PCDHGA11: variants seen among roughly 807,000 people sequenced by gnomAD.
The protein encoded by PCDHGA11 is protocadherin gamma-A11.
Under a neutral mutation model 60.4 loss-of-function variants are expected in PCDHGA11, and 39 were observed. The observed-to-expected ratio is 0.65, with a 90% CI of 0.50 to 0.84. PCDHGA11 has a LOEUF of 0.84. PCDHGA11 is among the 40% of genes least tolerant of loss of function. The probability of loss-of-function intolerance (pLI) is 0.00; values close to 1 mark genes in which losing one functional copy is unlikely to be tolerated. For missense variants in PCDHGA11, 1,165 were observed against 1,197.7 expected (o/e 0.97, Z 0.40); for synonymous variants, 533 against 510.3 (o/e 1.04, Z -0.60).
chr5:141,498,104 C>T (rs530844708), intron 2 of PCDHGA11, among the ~76,000 whole-genome samples: 2 of 152,106 alleles, frequency 1.3e-5, no homozygotes, highest in African/African-American at 4.8e-5. Context: ...GTGGTGTGGG[C>T]GTATAATAGG....
intron 1 of PCDHGA11, chr5:141,430,951 C>T (rs200771871): frequency 3.2e-5 from 51 of 1,610,496 alleles, no homozygotes; most frequent in African/African-American, 1.5e-4. Context: ...AGCGCGGAGT[C>T]CGCATCATCC....
chr5:141,489,636 C>A lies in PCDHGA11; in HGVS notation c.2434-5171C>A, dbSNP rs753380268. 3.8e-5 allele frequency: 62 copies of A among 1,614,074 alleles called. No individual in the cohort carries two copies. The highest frequency in any genetic ancestry group is 5.1e-5 in the Non-Finnish European group (60 of 1,180,038). ...TGGATCTCAATGACAACTCTCCTAG[C>A]TTTGCCACCCCTGAGCGAGAGATGC... is the stretch of plus-strand genomic sequence containing the variant. On this transcript the variant is annotated intron_variant, in intron 1 of 3. Coordinates refer to ENST00000398587, the MANE Select transcript of PCDHGA11 (RefSeq NM_018914.3). The surrounding 1 kb of genome is among the most constrained non-coding windows in gnomAD (Gnocchi z 4.5).
intron 1 of PCDHGA11, among the ~76,000 whole-genome samples, chr5:141,430,014 G>A (rs925858697): frequency 6.6e-6 from 1 of 152,130 alleles, no homozygotes; most frequent in South Asian, 2.1e-4. Context: ...TTTCACTTGG[G>A]TTCTTGTTAA....
Position 141,491,733 on chromosome 5 carries a change from TG to T in PCDHGA11, c.2434-3069del. 6.2e-7 allele frequency: 1 copy of T among 1,602,698 alleles called. No individual in the cohort carries two copies. Among genetic ancestry groups the T allele is most frequent in the Non-Finnish European group, 8.5e-7 (1 of 1,175,258 alleles). On this transcript the variant is annotated intron_variant, in intron 1 of 3. Coordinates refer to ENST00000398587, the MANE Select transcript of PCDHGA11 (RefSeq NM_018914.3). This position sits in a 1 kb window ranked among gnomAD's most constrained non-coding sequence, Gnocchi z 6.9. ...GCTCGGCGCCGCCCCGGGCGACCCC[TG>T]GGGGCGGCACTGGAGAAGCCGCCCG...
intron 1 of PCDHGA11, chr5:141,427,254 G>A (rs1013561568): frequency 1.8e-5 from 8 of 456,644 alleles, no homozygotes; most frequent in Non-Finnish European, 2.6e-5. Flanking sequence ...GGATGGTGGA[G>A]GCATGACCAG....
intron 1 of PCDHGA11, among the ~76,000 whole-genome samples, chr5:141,480,240 C>CAAA (rs11374694): frequency 1.8e-5 from 2 of 114,046 alleles, no homozygotes; most frequent in Non-Finnish European, 3.8e-5. Context: ...CCTGTCTCTA[C>CAAA]AAAAAAAAAA....
chr5:141,478,489 C>T (rs779457709), intron 1 of PCDHGA11: 99 of 1,613,162 alleles, frequency 6.1e-5, no homozygotes, highest in Non-Finnish European at 8.1e-5. Context: ...CGCTGCGGAG[C>T]TGTGATCCGG....
At chr5:141,447,535 G>C (rs1366016262) in intron 1 of PCDHGA11, among the ~76,000 whole-genome samples, 1 of 152,162 alleles carries the variant, frequency 6.6e-6, no homozygotes, top group African/African-American at 2.4e-5. Flanking sequence ...AAATTGTTGG[G>C]TTTTAATGTT....
rs1190624035 is a variant in PCDHGA11, at chr5:141,432,332, T to G, written c.2433+8672T>G. ...GCTGAGCTCCTTCGACTACGAGCAG[T>G]TCCGAGACTTGCAAGTGAAAGTGAT... On this transcript the variant is annotated intron_variant, in intron 1 of 3. Coordinates refer to ENST00000398587, the MANE Select transcript of PCDHGA11 (RefSeq NM_018914.3). The surrounding 1 kb of genome is among the most constrained non-coding windows in gnomAD (Gnocchi z 6.0). The G allele has an allele frequency of 2.5e-6, 4 of 1,614,116 alleles. No homozygotes were observed. In the African/African-American group the frequency reaches 5.3e-5, roughly 22 times the overall value.
Position 141,491,726 on chromosome 5 carries a change from C to A in PCDHGA11, c.2434-3081C>A, listed in dbSNP as rs1018940432. ...GTGAGGGGCTCGGCGCCGCCCCGGG[C>A]GACCCCTGGGGGCGGCACTGGAGAA... On this transcript the variant is annotated intron_variant, in intron 1 of 3. Coordinates refer to ENST00000398587, the MANE Select transcript of PCDHGA11 (RefSeq NM_018914.3). This position sits in a 1 kb window ranked among gnomAD's most constrained non-coding sequence, Gnocchi z 6.9. 2.2e-5 allele frequency: 36 copies of A among 1,605,766 alleles called. No individual in the cohort carries two copies. Among genetic ancestry groups the A allele is most frequent in the African/African-American group, 4.0e-5 (3 of 74,588 alleles).
chr5:141,458,408 C>T (rs895785923), intron 1 of PCDHGA11, among the ~76,000 whole-genome samples: 3 of 151,932 alleles, frequency 2.0e-5, no homozygotes, highest in Non-Finnish European at 2.9e-5. Context: ...AGAGACGGAG[C>T]GGGGGTTCCA....
rs949391796 is a variant in PCDHGA11 at position 141,493,050 on chromosome 5, A to G, written c.2434-1757A>G. 6.6e-6 allele frequency among the ~76,000 whole-genome samples: 1 copy of G among 152,262 alleles called. No homozygotes were observed. The highest frequency in any genetic ancestry group is 2.4e-5 in the African/African-American group (1 of 41,464). On this transcript the variant is annotated intron_variant, in intron 1 of 3. Coordinates refer to ENST00000398587, the MANE Select transcript of PCDHGA11 (RefSeq NM_018914.3). The surrounding 1 kb of genome is among the most constrained non-coding windows in gnomAD (Gnocchi z 4.3). Reference sequence around the variant, plus strand: ...CCCTTATGTGTGAGGAAACTACAATAGTAAAAAACACAAGTTTCTCCAACT... The same window carrying G: ...CCCTTATGTGTGAGGAAACTACAATGGTAAAAAACACAAGTTTCTCCAACT...
At chr5:141,443,169 T>C (rs946262743) in intron 1 of PCDHGA11, among the ~76,000 whole-genome samples, 2 of 152,170 alleles carry the variant, frequency 1.3e-5, no homozygotes, top group Non-Finnish European at 2.9e-5. Flanking sequence ...TCCCTACCCA[T>C]GTCCACTGCA....
Position 141,490,481 on chromosome 5 carries a change from G to A in PCDHGA11, c.2434-4326G>A, listed in dbSNP as rs771164683. 8.7e-6 allele frequency: 14 copies of A among 1,614,060 alleles called. No homozygotes were observed. The highest frequency in any genetic ancestry group is 4.0e-5 in the African/African-American group (3 of 74,928). ...CTGCTAACCAGCCAGCCTTTGGACCGGGAGGCCACATCCCACTATATCATC... is the reference window on the plus strand; with the variant it reads ...CTGCTAACCAGCCAGCCTTTGGACCAGGAGGCCACATCCCACTATATCATC... On this transcript the variant is annotated intron_variant, in intron 1 of 3. Transcript: ENST00000398587. The surrounding 1 kb of genome is among the most constrained non-coding windows in gnomAD (Gnocchi z 5.4).
At position 141,486,272 on chromosome 5, in the gene PCDHGA11, A is replaced by C. The variant is rs2099627166; in HGVS notation, c.2434-8535A>C. On this transcript the variant is annotated intron_variant, in intron 1 of 3. Transcript: ENST00000398587. The surrounding 1 kb of genome is among the most constrained non-coding windows in gnomAD (Gnocchi z 5.0). ...CCTCCCCGAGAGTGCAGAACCTGGC[A>C]CTGTGGTGGCACTTATCAGTGTGCA... 1 of 1,613,886 alleles carries C rather than the reference A, an allele frequency of 6.2e-7. No individual in the cohort carries two copies. Among genetic ancestry groups the C allele is most frequent in the Non-Finnish European group, 8.5e-7 (1 of 1,179,986 alleles).
At chr5:141,430,808 G>A in intron 1 of PCDHGA11, 1 of 1,526,682 alleles carries the variant, frequency 6.6e-7, no homozygotes, top group East Asian at 2.3e-5. Flanking sequence ...TGTCCTGCTG[G>A]GAATCCTCCT....
chr5:141,423,757 G>GGC, intron 1 of PCDHGA11, 97 bp downstream of exon 1: 1 of 395,122 alleles, frequency 2.5e-6, no homozygotes, highest in East Asian at 1.5e-4. Context: ...GTTTGGGGGG[G>GGC]GGGTGGGGCG....
At chr5:141,450,995 T>G (rs983544118) in intron 1 of PCDHGA11, among the ~76,000 whole-genome samples, 3 of 151,510 alleles carry the variant, frequency 2.0e-5, no homozygotes, top group Non-Finnish European at 4.4e-5. Context: ...CGGCTAATTT[T>G]TTTGTATTTT....
At chr5:141,428,618 T>C (rs554092834) in intron 1 of PCDHGA11, 1 of 206,012 alleles carries the variant, frequency 4.9e-6, no homozygotes, top group African/African-American at 2.3e-5. Context: ...AATAACAAGA[T>C]AAGCTCTAAC....
Sources: gnomAD v4.1 joint callset for allele counts (sites outside exome capture counted in the v4.1 genomes callset) on GRCh38, gnomAD v4.1.1 for gene constraint, Gnocchi (gnomAD v3.1) non-coding constraint, MANE v1.5 for transcripts, NCBI Gene and HGNC (gene_info 2026-07-23, HGNC 2026-07-21) for gene names.